The following PKN2 variants were observed in gnomAD, a reference collection of about 807,000 sequenced individuals.
PKN2 encodes the protein serine/threonine-protein kinase N2.
PKN2 carries 38 observed loss-of-function variants against 119.1 expected under a neutral mutation model. The observed-to-expected ratio is 0.32, with a 90% CI of 0.25 to 0.42. The LOEUF (loss-of-function observed/expected upper bound fraction) is 0.42, where lower values mean the gene tolerates loss of function less well. Ranked by LOEUF, PKN2 falls within the 10% of genes least tolerant of loss-of-function variation. The pLI, the probability that PKN2 is intolerant of heterozygous loss-of-function variation, is 1.00. For synonymous variants in PKN2, 390 were observed against 384.9 expected (o/e 1.01, Z -0.15); for missense variants, 850 against 1,165.1 (o/e 0.73, Z 3.94).
chr1:88,729,285 G>A (rs1668032976), intron 1 of PKN2, among the ~76,000 whole-genome samples: 1 of 152,228 alleles, frequency 6.6e-6, no homozygotes, highest in Non-Finnish European at 1.5e-5. Context: ...TGAAAAGACT[G>A]CTTAGAGCTA....
At chr1:88,804,676 GTGACTT>G (rs1557623361) in intron 9 of PKN2, 142 bp downstream of exon 9, 5 of 846,746 alleles carry the variant, frequency 5.9e-6, no homozygotes, top group Middle Eastern at 2.7e-4. Flanking sequence ...GAATAGGTAT[GTGACTT>G]TGAGACAAAT....
At chr1:88,770,735 G>A (rs1056958834) in intron 4 of PKN2, among the ~76,000 whole-genome samples, 4 of 151,432 alleles carry the variant, frequency 2.6e-5, no homozygotes, top group African/African-American at 9.7e-5. Flanking sequence ...ACAGGCGTCC[G>A]CCACTACGCC....
intron 2 of PKN2, among the ~76,000 whole-genome samples, chr1:88,751,377 T>TAC (rs34210018): frequency 0.02 from 2,882 of 146,536 alleles, 36 homozygotes; most frequent in Middle Eastern, 0.025. Flanking sequence ...TATTTACACA[T>TAC]ACACACACAC....
At chr1:88,726,763 G>GT (rs34135870) in intron 1 of PKN2, among the ~76,000 whole-genome samples, 85,643 of 150,476 alleles carry the variant, frequency 0.57, 24,588 homozygotes, top group Middle Eastern at 0.73. Flanking sequence ...AGTTTTGGTG[G>GT]TTTTTTTTTG....
At chr1:88,763,671 G>A (rs1009542110) in intron 3 of PKN2, among the ~76,000 whole-genome samples, 1 of 151,802 alleles carries the variant, frequency 6.6e-6, no homozygotes, top group African/African-American at 2.4e-5. Flanking sequence ...ATTAAAGAAG[G>A]TCATTTATGC....
At chr1:88,756,144 C>A (rs1669189982) in intron 2 of PKN2, among the ~76,000 whole-genome samples, 1 of 151,864 alleles carries the variant, frequency 6.6e-6, no homozygotes, top group Admixed American at 6.6e-5. Context: ...TCTCCACCTG[C>A]CTCGGCCTCC....
rs79029265 is a variant in PKN2, at chr1:88,727,480, A to G, written c.49-13508A>G. On this transcript the variant is annotated intron_variant, in intron 1 of 21. Coordinates refer to ENST00000370521, the MANE Select transcript of PKN2 (RefSeq NM_006256.4). ...GCCACTGCACCCGGCCCAAGGCCAC[A>G]TTTTTTTAATCCACTGTACCAACCT... Among the ~76,000 whole-genome samples, 946 of 152,228 alleles carry G rather than the reference A, an allele frequency of 6.2e-3. 12 individuals carry two copies. In the South Asian group the frequency reaches 0.067, roughly 11 times the overall value.
intron 1 of PKN2, among the ~76,000 whole-genome samples, chr1:88,735,893 T>C (rs927305836): frequency 2.6e-5 from 4 of 152,188 alleles, no homozygotes; most frequent in African/African-American, 9.7e-5. Flanking sequence ...TGGGAAGTTT[T>C]GTGTTATTAT....
intron 1 of PKN2, among the ~76,000 whole-genome samples, chr1:88,739,921 A>T (rs1346608273): frequency 6.6e-6 from 1 of 152,144 alleles, no homozygotes; most frequent in Non-Finnish European, 1.5e-5. Context: ...CAATTGGAGT[A>T]CTTAGCCTTG....
intron 1 of PKN2, among the ~76,000 whole-genome samples, chr1:88,706,615 G>A (rs80272546): frequency 6.6e-6 from 1 of 152,044 alleles, no homozygotes; most frequent in Non-Finnish European, 1.5e-5. Context: ...TATGAGTTTT[G>A]TATTTGCCCT....
At chr1:88,703,521 A>T (rs956635176) in intron 1 of PKN2, among the ~76,000 whole-genome samples, 23 of 152,162 alleles carry the variant, frequency 1.5e-4, no homozygotes, top group African/African-American at 5.5e-4. Flanking sequence ...GGCATTTGAA[A>T]CTAGGTCTGT....
chr1:88,726,687 C>T (rs1382576138), intron 1 of PKN2, among the ~76,000 whole-genome samples: 1 of 151,784 alleles, frequency 6.6e-6, no homozygotes, highest in African/African-American at 2.4e-5. Context: ...GGAAGTATTT[C>T]CTCTGATTTT....
intron 1 of PKN2, among the ~76,000 whole-genome samples, chr1:88,726,430 T>C (rs1667900021): frequency 6.6e-6 from 1 of 152,204 alleles, no homozygotes; most frequent in East Asian, 1.9e-4. Context: ...GGCGTGATCA[T>C]GTGATTTTTT....
At chr1:88,779,890 A>G (rs1013251391) in intron 6 of PKN2, among the ~76,000 whole-genome samples, 1 of 152,226 alleles carries the variant, frequency 6.6e-6, no homozygotes, top group Non-Finnish European at 1.5e-5. Flanking sequence ...AACCTGGGAT[A>G]CCAAAGTGAA....
chr1:88,738,808 A>G (rs1668461047), intron 1 of PKN2, among the ~76,000 whole-genome samples: 1 of 152,248 alleles, frequency 6.6e-6, no homozygotes, highest in Admixed American at 6.5e-5. Flanking sequence ...ACTATTTTTT[A>G]TCTAAGCATT....
rs759294882 is a variant in PKN2 at position 88,813,569 on chromosome 1, A to G, written c.2115A>G (p.Glu705=). ...TTTTCTTTTACAGCCTGATGTGTGA[A>G]AAAAGAATTTTTGAAACTGTGAATA... ...ARDEVDSLMC[E]KRIFETVNSV... The change falls in exon 16 of 22, where the codon GAA becomes GAG. Residue 705 remains glutamate (E), a synonymous_variant. Transcript: ENST00000370521. 4 of 1,588,494 alleles carry G rather than the reference A, an allele frequency of 2.5e-6. No individual in the cohort carries two copies.
intron 1 of PKN2, among the ~76,000 whole-genome samples, chr1:88,699,625 G>A (rs1429147903): frequency 1.3e-5 from 2 of 152,100 alleles, no homozygotes; most frequent in Non-Finnish European, 2.9e-5. Flanking sequence ...CCCTCGATGA[G>A]TCCATGTGTT....
intron 6 of PKN2, among the ~76,000 whole-genome samples, chr1:88,774,764 A>T (rs1670023023): frequency 1.3e-5 from 2 of 152,132 alleles, no homozygotes; most frequent in East Asian, 1.9e-4. Flanking sequence ...GCTGGAGTAC[A>T]GTGGTATGAT....
chr1:88,767,063 G>A (rs1372946312), intron 3 of PKN2, among the ~76,000 whole-genome samples: 2 of 152,182 alleles, frequency 1.3e-5, no homozygotes, highest in South Asian at 4.1e-4. Context: ...CTTAATTGAA[G>A]AGAGTAATAT....
Sources: gnomAD v4.1 joint callset for allele counts (sites outside exome capture counted in the v4.1 genomes callset) on GRCh38, gnomAD v4.1.1 for gene constraint, MANE v1.5 for transcripts, NCBI Gene and HGNC (gene_info 2026-07-23, HGNC 2026-07-21) for gene names.